Variants in C3AR1 observed in about 807,000 individuals in gnomAD.
The protein encoded by C3AR1 is complement C3a receptor 1, also known as C3a anaphylatoxin chemotactic receptor.
For synonymous variants in C3AR1, 208 were observed against 225.3 expected (o/e 0.92, Z 0.69); for missense variants, 579 against 583.5 (o/e 0.99, Z 0.08).
rs749811098 is a variant in C3AR1 at position 8,059,284 on chromosome 12, G to A, written c.902C>T (p.Ser301Phe). Residue 301 changes from serine (S) to phenylalanine (F), a missense_variant, in exon 2 of 2, where the codon TCT (serine) becomes TTT (phenylalanine). Transcript: ENST00000307637. ...CTCAGACTCGTAGAAGGAATTGCTA[G>A]AAGCGCTAGGGAACAGCTTTAAATG... Reference protein sequence around the residue: ...STHLKLFPSASSNSFYESELP... With the variant: ...STHLKLFPSAFSNSFYESELP... 13 of 1,614,062 alleles carry A rather than the reference G, an allele frequency of 8.1e-6. No individual in the cohort carries two copies. The highest frequency in any genetic ancestry group is 1.3e-5 in the African/African-American group (1 of 74,930).
rs1231160980 is a variant in C3AR1 at position 8,059,801 on chromosome 12, A to C, written c.385T>G (p.Trp129Gly). Residue 129 changes from tryptophan (W) to glycine (G), a missense_variant, in exon 2 of 2, where the codon TGG becomes GGG. Transcript: ENST00000307637. ...DRCLVVFKPIWCQNHRNVGMA... is the reference protein window; with the variant it reads ...DRCLVVFKPIGCQNHRNVGMA... The stretch of plus-strand genomic sequence containing the variant: ...CCTACATTGCGATGATTCTGACACC[A>C]GATTGGCTTGAATACCACAAGACAG... 10 of 1,614,194 alleles carry C rather than the reference A, an allele frequency of 6.2e-6. No individual in the cohort carries two copies. The highest frequency in any genetic ancestry group is 8.5e-6 in the Non-Finnish European group (10 of 1,180,034).
chr12:8,061,357 G>A (rs1377878866), intron 1 of C3AR1, among the ~76,000 whole-genome samples: 1 of 152,044 alleles, frequency 6.6e-6, no homozygotes, highest in Non-Finnish European at 1.5e-5. Flanking sequence ...TTTTATGTGT[G>A]TGTGTGCATT....
chr12:8,066,002 G>A (rs1947326979), intron 1 of C3AR1, among the ~76,000 whole-genome samples: 1 of 151,996 alleles, frequency 6.6e-6, no homozygotes, highest in Non-Finnish European at 1.5e-5. Flanking sequence ...GGGGACAGCT[G>A]GAATCAAAGT....
intron 1 of C3AR1, among the ~76,000 whole-genome samples, chr12:8,065,525 G>T (rs1418405842): frequency 6.6e-6 from 1 of 151,812 alleles, no homozygotes. Context: ...GTGGTAGCAC[G>T]TGCCTGCAAT....
chr12:8,064,502 C>A (rs1947309329), intron 1 of C3AR1, among the ~76,000 whole-genome samples: 1 of 152,058 alleles, frequency 6.6e-6, no homozygotes, highest in South Asian at 2.1e-4. Context: ...CCAGCCTATC[C>A]AACATGGAGA....
intron 1 of C3AR1, among the ~76,000 whole-genome samples, chr12:8,065,653 CAA>C (rs753950088): frequency 1.4e-5 from 1 of 72,328 alleles, no homozygotes; most frequent in African/African-American, 4.8e-5. Context: ...GACTCTGTCT[CAA>C]AAAAAAAAAA....
rs771950956 is a variant in C3AR1, at chr12:8,059,671, C to T, written c.515G>A (p.Cys172Tyr). The T allele has an allele frequency of 7.4e-6, 12 of 1,614,150 alleles. No homozygotes were observed. In the South Asian group the frequency reaches 1.3e-4, roughly 18 times the overall value. The change falls in exon 2 of 2, where the codon TGT becomes TAT. Residue 172 changes from cysteine (C) to tyrosine (Y), a missense_variant. Cys to Tyr is a radical substitution (Grantham distance 194, BLOSUM62 -2). Transcript: ENST00000307637. ...GCTGGAGAGACCAAATTTGTAGCCA[C>T]ATCTATTATGGTTGTCTGTAGTGAA... ...EIFTTDNHNR[C>Y]GYKFGLSSSL...
At chr12:8,064,839 C>T (rs1947313762) in intron 1 of C3AR1, among the ~76,000 whole-genome samples, 1 of 151,888 alleles carries the variant, frequency 6.6e-6, no homozygotes, top group Admixed American at 6.6e-5. Flanking sequence ...ACTTGGTAAT[C>T]ATCTCTCCTC....
intron 1 of C3AR1, among the ~76,000 whole-genome samples, chr12:8,064,565 T>A (rs1399789393): frequency 6.6e-6 from 1 of 151,968 alleles, no homozygotes; most frequent in Non-Finnish European, 1.5e-5. Flanking sequence ...GGCACATGCC[T>A]GTAATCCCAG....
At chr12:8,064,751 A>T (rs1947312846) in intron 1 of C3AR1, among the ~76,000 whole-genome samples, 1 of 151,970 alleles carries the variant, frequency 6.6e-6, no homozygotes, top group Non-Finnish European at 1.5e-5. Flanking sequence ...GTCTACTCAG[A>T]TATTTAAATA....
intron 1 of C3AR1, among the ~76,000 whole-genome samples, chr12:8,061,895 A>G (rs750339169): frequency 1.3e-5 from 2 of 152,344 alleles, no homozygotes; most frequent in Admixed American, 1.3e-4. Context: ...TCATCTTACA[A>G]AACTGAAAAT....
intron 1 of C3AR1, among the ~76,000 whole-genome samples, chr12:8,063,475 T>C (rs757449273): frequency 3.3e-5 from 5 of 152,230 alleles, no homozygotes; most frequent in Non-Finnish European, 7.3e-5. Flanking sequence ...TTTATAGCTT[T>C]CCTGAACAAT....
Position 8,058,795 on chromosome 12 carries a change from C to T in C3AR1, c.1391G>A (p.Arg464His), listed in dbSNP as rs756665372. The stretch of plus-strand genomic sequence containing the variant: ...ATTGTTTGAGGGACAGTGGGTGGAA[C>T]GTGTGAGCTCCTCACTGAAGGCTGC... The part of the protein sequence containing the change: ...LEAAFSEELT[R>H]STHCPSNNVI... The change falls in exon 2 of 2, where the codon CGT becomes CAT. Residue 464 changes from arginine (R) to histidine (H), a missense_variant. Physicochemically the swap from Arg to His is conservative, Grantham distance 29 (BLOSUM62 0). Transcript: ENST00000307637. 1.2e-5 allele frequency: 19 copies of T among 1,613,910 alleles called. No individual in the cohort carries two copies. The highest frequency in any genetic ancestry group is 2.7e-5 in the African/African-American group (2 of 74,910).
In C3AR1 at chr12:8,059,004, G is replaced by T; in HGVS notation, c.1182C>A (p.His394Gln). 1 of 1,613,848 alleles carries T rather than the reference G, an allele frequency of 6.2e-7. No homozygotes were observed. The highest frequency in any genetic ancestry group is 1.1e-5 in the South Asian group (1 of 91,090). Reference protein sequence around the residue: ...AVFLVCWTPYHIFGVLSLLTD... With the variant: ...AVFLVCWTPYQIFGVLSLLTD... ...TAAGCAATGACAGGACTCCAAAAAT[G>T]TGGTATGGAGTCCAGCAGACAAGAA... Residue 394 changes from histidine to glutamine, a missense_variant, in exon 2 of 2, where the codon CAC (histidine) becomes CAA (glutamine). By Grantham distance (24) the His-to-Gln change is conservative (BLOSUM62 0). Transcript: ENST00000307637.
In C3AR1 at chr12:8,058,704, T is replaced by C; in HGVS notation, c.*33A>G. ...TATAAACTTTCACTATGTGATTGCCTAAGAGCCCCTGCTTGTTGGCTGCTC... is the reference window on the plus strand; with the variant it reads ...TATAAACTTTCACTATGTGATTGCCCAAGAGCCCCTGCTTGTTGGCTGCTC... On this transcript the variant is annotated 3_prime_UTR_variant, in exon 2 of 2. Coordinates refer to ENST00000307637, the MANE Select transcript of C3AR1 (RefSeq NM_004054.4). 2 of 1,565,592 alleles carry C rather than the reference T, an allele frequency of 1.3e-6. No individual in the cohort carries two copies. Among genetic ancestry groups the C allele is most frequent in the Admixed American group, 1.8e-5 (1 of 54,180 alleles).
In C3AR1 at chr12:8,059,938, G is replaced by T; in HGVS notation, c.248C>A (p.Ala83Asp). ...GCCGTAGGGCCACTGTCCCTGGAGA[G>T]CCAAGTGAGCCAGCGAGAAGGGCAA... ...LSLPFSLAHL[A>D]LQGQWPYGRF... The change falls in exon 2 of 2, where the codon GCT (alanine) becomes GAT (aspartate). Residue 83 changes from alanine to aspartate, a missense_variant. Transcript: ENST00000307637. The T allele has an allele frequency of 6.2e-7, 1 of 1,614,184 alleles. No homozygotes were observed. The highest frequency in any genetic ancestry group is 1.3e-5 in the African/African-American group (1 of 75,034).
intron 1 of C3AR1, among the ~76,000 whole-genome samples, chr12:8,060,480 C>T (rs940207109): frequency 1.2e-4 from 19 of 152,170 alleles, no homozygotes; most frequent in Non-Finnish European, 2.2e-4. Flanking sequence ...CTGTAAGCTC[C>T]GCCTCCCGAG....
intron 1 of C3AR1, among the ~76,000 whole-genome samples, chr12:8,063,593 C>T (rs1000027217): frequency 6.6e-6 from 1 of 152,060 alleles, no homozygotes; most frequent in Non-Finnish European, 1.5e-5. Flanking sequence ...TGTGTGTGTG[C>T]GCATGTTTGA....
rs1175734825 is a variant in C3AR1 at position 8,057,292 on chromosome 12, AAGT to A, written c.*1442_*1444del. Among the ~76,000 whole-genome samples, 1 of 152,208 alleles carries A rather than the reference AAGT, an allele frequency of 6.6e-6. No individual in the cohort carries two copies. The highest frequency in any genetic ancestry group is 1.5e-5 in the Non-Finnish European group (1 of 68,034). On this transcript the variant is annotated 3_prime_UTR_variant, in exon 2 of 2. Coordinates refer to ENST00000307637, the MANE Select transcript of C3AR1 (RefSeq NM_004054.4). ...TATAAATGGTTGGAGTGTATAGACAAAGTAGAAGAAAAATATGTGGTCATGAAT... is the reference window on the plus strand; with the variant it reads ...TATAAATGGTTGGAGTGTATAGACAAAGAAGAAAAATATGTGGTCATGAAT...
Sources: gnomAD v4.1 joint callset for allele counts (sites outside exome capture counted in the v4.1 genomes callset) on GRCh38, gnomAD v4.1.1 for gene constraint, MANE v1.5 for transcripts, NCBI Gene and HGNC (gene_info 2026-07-23, HGNC 2026-07-21) for gene names.